The following YARS2 variants were observed in gnomAD, a reference collection of about 807,000 sequenced individuals.
YARS2 encodes tyrosyl-tRNA synthetase 2.
A neutral mutation model predicts 45.0 loss-of-function variants in YARS2; 38 were observed. The ratio of observed to expected loss-of-function variants is 0.84; its 90% CI spans 0.65 to 1.11. The LOEUF is 1.11. Ranked by LOEUF, YARS2 falls within the 50% of genes least tolerant of loss-of-function variation. YARS2 has a pLI of 0.00. For synonymous variants in YARS2, 287 were observed against 245.1 expected (o/e 1.17, Z -1.60); for missense variants, 602 against 599.8 (o/e 1.00, Z -0.04).
intron 3 of YARS2, among the ~76,000 whole-genome samples, chr12:32,750,443 A>C (rs1410554068): frequency 1.3e-5 from 2 of 152,046 alleles, no homozygotes; most frequent in Non-Finnish European, 2.9e-5. Context: ...CCTCGTGATC[A>C]GCCCACCTTG....
At chr12:32,751,512 A>C (rs1050232143) in intron 2 of YARS2, among the ~76,000 whole-genome samples, 3 of 152,160 alleles carry the variant, frequency 2.0e-5, no homozygotes, top group Non-Finnish European at 2.9e-5. Flanking sequence ...TTTCATGTGC[A>C]TGTGGCCATA....
In YARS2 at chr12:32,749,886, G is replaced by A. The variant is rs187627204; in HGVS notation, c.1274+51C>T. 610 of 1,604,114 alleles carry A rather than the reference G, an allele frequency of 3.8e-4. 1 individual carries two copies. Among genetic ancestry groups the A allele is most frequent in the Non-Finnish European group, 4.7e-4 (556 of 1,172,556 alleles). On this transcript the variant is annotated intron_variant, in intron 4 of 4. Transcript: ENST00000324868. ...GCCACTTCTCCTGGCCTTGTGAACT[G>A]TAACATTTAATGGTGAATTAACTGT...
At chr12:32,748,985 G>T (rs577205473) in intron 4 of YARS2, among the ~76,000 whole-genome samples, 9 of 152,164 alleles carry the variant, frequency 5.9e-5, no homozygotes, top group Non-Finnish European at 1.2e-4. Flanking sequence ...ATTATTTTTT[G>T]TGAAAAACCT....
intron 2 of YARS2, among the ~76,000 whole-genome samples, chr12:32,752,196 T>C (rs914325027): frequency 1.3e-5 from 2 of 152,356 alleles, no homozygotes; most frequent in East Asian, 1.9e-4. Context: ...TCATCCTATA[T>C]GTATTCTCTT....
chr12:32,747,218 A>G lies in YARS2; in HGVS notation c.1420T>C (p.Trp474Arg), dbSNP rs1338999785. ...IGKRNFYIIK[W>R]LQL ...AGGACTTTTCATCACAACTGAAGCC[A>G]TTTTATAATGTAGAAATTTCTTTTT... is the stretch of plus-strand genomic sequence containing the variant. Residue 474 changes from tryptophan to arginine, a missense_variant, in exon 5 of 5, where the codon TGG (tryptophan) becomes CGG (arginine). By Grantham distance (101) the Trp-to-Arg change is moderately radical (BLOSUM62 -3). Coordinates refer to ENST00000324868, the MANE Select transcript of YARS2 (RefSeq NM_001040436.3). 1.9e-6 allele frequency: 3 copies of G among 1,612,896 alleles called. No individual in the cohort carries two copies. The highest frequency in any genetic ancestry group is 1.7e-6 in the Non-Finnish European group (2 of 1,179,910).
chr12:32,754,731 T>TTTTTG (rs1955813394), intron 1 of YARS2, among the ~76,000 whole-genome samples: 1 of 149,134 alleles, frequency 6.7e-6, no homozygotes, highest in Non-Finnish European at 1.5e-5. Context: ...TTTTTTTTTT[T>TTTTTG]GAGACGGAGT....
chr12:32,754,185 A>C (rs950298563), intron 1 of YARS2, 100 bp from the exon 2 acceptor site: 1 of 1,412,842 alleles, frequency 7.1e-7, no homozygotes, highest in East Asian at 2.3e-5. Flanking sequence ...TGCTCCAGGA[A>C]AACTTCCTTG....
rs769107512 is a variant in YARS2 at position 32,749,931 on chromosome 12, T to C, written c.1274+6A>G. 18 of 1,613,912 alleles carry C rather than the reference T, an allele frequency of 1.1e-5. No individual in the cohort carries two copies. The highest frequency in any genetic ancestry group is 1.4e-5 in the Non-Finnish European group (17 of 1,179,970). On this transcript the variant is annotated splice_donor_region_variant and intron_variant, in intron 4 of 4. Transcript: ENST00000324868. ...AACTGTAAATCTAAAAGTTAAATAA[T>C]CTTACCCTCGGGGACCATCTGGAAT... is the stretch of plus-strand genomic sequence containing the variant.
rs1451618582 is a variant in YARS2, at chr12:32,747,352, A to G, written c.1286T>C (p.Ile429Thr). The G allele has an allele frequency of 6.2e-7, 1 of 1,613,710 alleles. No homozygotes were observed. Among genetic ancestry groups the G allele is most frequent in the Non-Finnish European group, 8.5e-7 (1 of 1,179,912 alleles). The change falls in exon 5 of 5, where the codon ATA becomes ACA. Residue 429 changes from isoleucine (I) to threonine (T), a missense_variant. By Grantham distance (89) the Ile-to-Thr change is moderately conservative. Transcript: ENST00000324868. ...IPDGPRGYRM[I>T]TEGGVSINHQ... is the part of the protein sequence containing the mutation. Reference sequence around the variant, plus strand: ...ATTTATGCTGACTCCGCCTTCTGTTATCATTCGATACCTAAAAAATAGAAA... The same window carrying G: ...ATTTATGCTGACTCCGCCTTCTGTTGTCATTCGATACCTAAAAAATAGAAA...
At chr12:32,749,574 A>C (rs115015417) in intron 4 of YARS2, among the ~76,000 whole-genome samples, 1,529 of 152,212 alleles carry the variant, frequency 0.01, 32 homozygotes, top group African/African-American at 0.034. Flanking sequence ...ACATGCTGTG[A>C]ACTGTAACAT....
chr12:32,746,824 C>A lies in YARS2; in HGVS notation c.*380G>T. On this transcript the variant is annotated 3_prime_UTR_variant, in exon 5 of 5. Transcript: ENST00000324868. ...AAGTGCTGGGATTACAGGTGTGAGCCACCATGCCCAGCCTCACAATTCCTT... is the reference window on the plus strand; with the variant it reads ...AAGTGCTGGGATTACAGGTGTGAGCAACCATGCCCAGCCTCACAATTCCTT... 4.8e-6 allele frequency: 1 copy of A among 206,236 alleles called. No individual in the cohort carries two copies. The highest frequency in any genetic ancestry group is 9.8e-6 in the Non-Finnish European group (1 of 102,368). 12.8% of individuals were successfully genotyped at this position (206,236 alleles called of 1,614,324 possible).
At chr12:32,750,569 C>T in intron 3 of YARS2, 150 bp downstream of exon 3, 1 of 1,023,384 alleles carries the variant, frequency 9.8e-7, no homozygotes, top group Non-Finnish European at 1.4e-6. Flanking sequence ...ATCCTTCTTT[C>T]CAATAAACAG....
intron 3 of YARS2, among the ~76,000 whole-genome samples, chr12:32,750,514 T>C (rs1955722648): frequency 6.6e-6 from 1 of 152,216 alleles, no homozygotes; most frequent in Admixed American, 6.5e-5. Flanking sequence ...ACTAAAAGTT[T>C]TTTAAACATC....
rs1955650691 is a variant in YARS2 at position 32,746,952 on chromosome 12, A to G, written c.*252T>C. The stretch of plus-strand genomic sequence containing the variant: ...TTCTCTTCTGAAGTATAATTTTAAA[A>G]AGAGATTAACCCTGAAAATCATGGT... On this transcript the variant is annotated 3_prime_UTR_variant, in exon 5 of 5. Transcript: ENST00000324868. The G allele has an allele frequency of 2.3e-6, 1 of 433,456 alleles. No individual in the cohort carries two copies. The highest frequency in any genetic ancestry group is 2.0e-5 in the African/African-American group (1 of 49,912). The allele number at this position is 433,456 out of a possible 1,614,324, so 26.9% of individuals were successfully genotyped here. A position where few individuals can be genotyped will look rare whatever the true frequency, so the allele number is the denominator to read the frequency against.
In YARS2 at chr12:32,755,289, C is replaced by T; in HGVS notation, c.586G>A (p.Gly196Arg). 1 of 1,614,172 alleles carries T rather than the reference C, an allele frequency of 6.2e-7. No homozygotes were observed. Among genetic ancestry groups the T allele is most frequent in the Non-Finnish European group, 8.5e-7 (1 of 1,180,054 alleles). ...LAAVGGHFRM[G>R]TLLSRQSVQL... ...ACGCTCTGCCGGCTCAGCAGCGTCC[C>T]CATGCGGAAGTGACCCCCCACTGCC... The change falls in exon 1 of 5, where the codon GGG (glycine) becomes AGG (arginine). Residue 196 changes from glycine to arginine, a missense_variant. Coordinates refer to ENST00000324868, the MANE Select transcript of YARS2 (RefSeq NM_001040436.3).
At chr12:32,752,885 ACT>A in intron 2 of YARS2, 1 of 276,560 alleles carries the variant, frequency 3.6e-6, no homozygotes, top group African/African-American at 2.2e-5. Context: ...ATAATCTTCC[ACT>A]CTGTTCTTCA....
Position 32,755,264 on chromosome 12 carries a change from A to G in YARS2, c.611T>C (p.Val204Ala). The change falls in exon 1 of 5, where the codon GTG becomes GCG. Residue 204 changes from valine to alanine, a missense_variant. Physicochemically the swap from Val to Ala is moderately conservative, Grantham distance 64. Coordinates refer to ENST00000324868, the MANE Select transcript of YARS2 (RefSeq NM_001040436.3). The part of the protein sequence containing the change: ...RMGTLLSRQS[V>A]QLRLKSPEGM... ...CTCGGGGCTCTTGAGCCGCAGCTGC[A>G]CGCTCTGCCGGCTCAGCAGCGTCCC... The G allele has an allele frequency of 6.2e-7, 1 of 1,614,122 alleles. No individual in the cohort carries two copies. Among genetic ancestry groups the G allele is most frequent in the Non-Finnish European group, 8.5e-7 (1 of 1,180,044 alleles).
chr12:32,747,696 C>A (rs1592707976), intron 4 of YARS2, among the ~76,000 whole-genome samples: 1 of 152,296 alleles, frequency 6.6e-6, no homozygotes, highest in East Asian at 1.9e-4. Context: ...TGCCACCACA[C>A]CTGGCTAATT....
chr12:32,755,233 C>G lies in YARS2; in HGVS notation c.642G>C (p.Met214Ile). 1 of 1,614,220 alleles carries G rather than the reference C, an allele frequency of 6.2e-7. No homozygotes were observed. Among genetic ancestry groups the G allele is most frequent in the Non-Finnish European group, 8.5e-7 (1 of 1,180,052 alleles). Residue 214 changes from methionine to isoleucine, a missense_variant, in exon 1 of 5, where the codon ATG becomes ATC. Physicochemically the swap from Met to Ile is conservative, Grantham distance 10. Transcript: ENST00000324868. ...CCTGGTAAAAGAACTCGGCCAAGCTCATGCCCTCGGGGCTCTTGAGCCGCA... is the reference window on the plus strand; with the variant it reads ...CCTGGTAAAAGAACTCGGCCAAGCTGATGCCCTCGGGGCTCTTGAGCCGCA... ...VQLRLKSPEG[M>I]SLAEFFYQVL...
Sources: allele counts gnomAD v4.1 joint callset (sites outside exome capture counted in the v4.1 genomes callset), GRCh38; gene constraint gnomAD v4.1.1; transcripts MANE v1.5; gene names NCBI Gene and HGNC (gene_info 2026-07-23, HGNC 2026-07-21).